SCHIP1: variants seen among roughly 807,000 people sequenced by gnomAD.
SCHIP1 encodes the protein schwannomin interacting protein 1.
SCHIP1 carries 8 observed loss-of-function variants against 29.7 expected under a neutral mutation model. The ratio of observed to expected loss-of-function variants is 0.27; its 90% CI spans 0.16 to 0.49. SCHIP1 has a LOEUF of 0.49. Among genes scored for constraint, SCHIP1 ranks in the 20% least tolerant of loss-of-function variants. The pLI is 0.99. For missense variants in SCHIP1, 193 were observed against 294.6 expected (o/e 0.66, Z 2.52); for synonymous variants, 76 against 94.9 (o/e 0.80, Z 1.16).
At chr3:159,866,125 C>A in intron 1 of SCHIP1, 38 bp from the exon 3 acceptor site, 2 of 1,592,104 alleles carry the variant, frequency 1.3e-6, no homozygotes, top group Non-Finnish European at 1.7e-6. Flanking sequence ...GCTATATCTG[C>A]CCACTTATCA....
chr3:159,811,301 A>G, the SCHIP1 span, among the ~76,000 whole-genome samples: 75 of 152,278 alleles, frequency 4.9e-4, no homozygotes, highest in Middle Eastern at 3.4e-3. Context: ...ATTTTGATGA[A>G]GTCAATTTTT....
At chr3:159,554,936 T>C in the SCHIP1 span, among the ~76,000 whole-genome samples, 1 of 152,000 alleles carries the variant, frequency 6.6e-6, no homozygotes. Flanking sequence ...ACTGCAGTCT[T>C]AGGATGGGAG....
the SCHIP1 span, among the ~76,000 whole-genome samples, chr3:159,574,743 T>G: frequency 1.3e-5 from 2 of 152,226 alleles, no homozygotes; most frequent in Admixed American, 6.5e-5. Context: ...GCAATAGGCC[T>G]TATTGAGCTG....
At chr3:159,285,078 C>A in the SCHIP1 span, among the ~76,000 whole-genome samples, 3 of 151,804 alleles carry the variant, frequency 2.0e-5, no homozygotes, top group African/African-American at 7.3e-5. Flanking sequence ...ACAATAATTT[C>A]TTATTTTGTT....
At chr3:159,439,716 C>G in the SCHIP1 span, among the ~76,000 whole-genome samples, 2 of 152,162 alleles carry the variant, frequency 1.3e-5, no homozygotes, top group Non-Finnish European at 2.9e-5. Context: ...CCTTTCCCCA[C>G]TTTTTAATGG....
chr3:159,887,550 C>T, intron 3 of SCHIP1, 158 bp from the exon 5 acceptor site: 1 of 750,752 alleles, frequency 1.3e-6, no homozygotes. Context: ...GACCCTTTTT[C>T]TGTTACTTGA....
chr3:159,830,710 A>G, the SCHIP1 span, among the ~76,000 whole-genome samples: 2 of 152,146 alleles, frequency 1.3e-5, no homozygotes, highest in South Asian at 2.1e-4. Context: ...TTCCACATCT[A>G]TAGTGTGGGA....
At chr3:159,437,867 T>C in the SCHIP1 span, among the ~76,000 whole-genome samples, 3 of 152,142 alleles carry the variant, frequency 2.0e-5, no homozygotes, top group African/African-American at 7.2e-5. Flanking sequence ...TAATATAGCA[T>C]AGGCATCAAG....
the SCHIP1 span, among the ~76,000 whole-genome samples, chr3:159,462,322 T>C: frequency 4.6e-5 from 7 of 152,150 alleles, no homozygotes; most frequent in African/African-American, 1.7e-4. Flanking sequence ...CTGGGCACCA[T>C]TGCTGATGGA....
At chr3:159,597,171 A>G in the SCHIP1 span, among the ~76,000 whole-genome samples, 4 of 152,170 alleles carry the variant, frequency 2.6e-5, no homozygotes, top group African/African-American at 9.7e-5. Context: ...ATCAAATGGC[A>G]TAAGGTTGTA....
At chr3:159,577,522 A>T in the SCHIP1 span, among the ~76,000 whole-genome samples, 69 of 152,296 alleles carry the variant, frequency 4.5e-4, no homozygotes, top group Non-Finnish European at 9.1e-4. Flanking sequence ...CCTTCACATC[A>T]TTGACAACTC....
the SCHIP1 span, among the ~76,000 whole-genome samples, chr3:159,796,544 A>G: frequency 6.6e-6 from 1 of 152,224 alleles, no homozygotes; most frequent in African/African-American, 2.4e-5. Context: ...TGACTGGAGC[A>G]ATGACATCTG....
chr3:159,436,026 A>C, the SCHIP1 span, among the ~76,000 whole-genome samples: 1 of 152,108 alleles, frequency 6.6e-6, no homozygotes, highest in African/African-American at 2.4e-5. Flanking sequence ...AAATGATGAG[A>C]TCTGACAGCT....
chr3:159,659,597 A>G, the SCHIP1 span, among the ~76,000 whole-genome samples: 1 of 152,226 alleles, frequency 6.6e-6, no homozygotes, highest in Non-Finnish European at 1.5e-5. Flanking sequence ...GAAGGTGTAC[A>G]ATCTTCAGTG....
chr3:159,831,299 C>T, the SCHIP1 span, among the ~76,000 whole-genome samples: 1 of 152,158 alleles, frequency 6.6e-6, no homozygotes, highest in South Asian at 2.1e-4. Flanking sequence ...TTGGCACCTA[C>T]ACACTTGATC....
the SCHIP1 span, among the ~76,000 whole-genome samples, chr3:159,371,708 A>T: frequency 6.6e-6 from 1 of 152,192 alleles, no homozygotes; most frequent in African/African-American, 2.4e-5. Flanking sequence ...TAGTACTTGC[A>T]CATAGCCTAT....
At chr3:159,484,180 A>G in the SCHIP1 span, among the ~76,000 whole-genome samples, 1 of 152,230 alleles carries the variant, frequency 6.6e-6, no homozygotes, top group Non-Finnish European at 1.5e-5. Context: ...ATGAACATGC[A>G]TGTTACATGG....
At chr3:159,692,166 T>G in the SCHIP1 span, among the ~76,000 whole-genome samples, 3 of 152,152 alleles carry the variant, frequency 2.0e-5, no homozygotes, top group South Asian at 6.2e-4. Context: ...ATTTTTTCCT[T>G]CATTTCATCC....
chr3:159,866,688 T>C (rs1714666382), intron 2 of SCHIP1, among the ~76,000 whole-genome samples: 1 of 152,162 alleles, frequency 6.6e-6, no homozygotes, highest in South Asian at 2.1e-4. Flanking sequence ...TTGCAATAAA[T>C]ACTCGTAACT....
Sources: gnomAD v4.1 joint callset for allele counts (sites outside exome capture counted in the v4.1 genomes callset) on GRCh38, gnomAD v4.1.1 for gene constraint, MANE v1.5 for transcripts, NCBI Gene and HGNC (gene_info 2026-07-23, HGNC 2026-07-21) for gene names.